Variants in HIBCH observed in about 807,000 individuals in gnomAD.
HIBCH encodes 3-hydroxyisobutyryl-CoA hydrolase, also known as 3-hydroxyisobutyryl-CoA hydrolase, mitochondrial.
In HIBCH, 50 loss-of-function variants were observed where a neutral mutation model predicts 58.2. The observed-to-expected ratio is 0.86, with a 90% CI of 0.68 to 1.09. HIBCH has a LOEUF of 1.09. Ranked by LOEUF, HIBCH falls within the 50% of genes least tolerant of loss-of-function variation. The pLI, the probability that HIBCH is intolerant of heterozygous loss-of-function variation, is 0.00. For synonymous variants in HIBCH, 151 were observed against 146.9 expected (o/e 1.03, Z -0.20); for missense variants, 450 against 449.7 (o/e 1.00, Z -0.01).
chr2:190,287,803 T>C (rs892356079), intron 5 of HIBCH, among the ~76,000 whole-genome samples, 165 bp from the exon 6 acceptor site: 5 of 152,198 alleles, frequency 3.3e-5, no homozygotes, highest in East Asian at 1.9e-4. Context: ...TATTTTTAAA[T>C]GTCAATCCAA....
intron 1 of HIBCH, among the ~76,000 whole-genome samples, chr2:190,312,346 T>C (rs1211294467): frequency 2.0e-5 from 3 of 152,242 alleles, no homozygotes; most frequent in South Asian, 2.1e-4. Flanking sequence ...TATACTAAGA[T>C]GCATGCTTTT....
chr2:190,209,963 A>G lies in HIBCH; in HGVS notation c.1012-1050T>C, dbSNP rs534253712. ...CATCCAAGCACAGTGTCCGACACTA[A>G]GTGTTCAGTAAATATTAACTACCAT... On this transcript the variant is annotated intron_variant, in intron 12 of 13. Transcript: ENST00000359678. The surrounding 1 kb of genome is among the most constrained non-coding windows in gnomAD (Gnocchi z 5.6). Among the ~76,000 whole-genome samples, 7 of 152,320 alleles carry G rather than the reference A, an allele frequency of 4.6e-5. No individual in the cohort carries two copies. In the East Asian group the frequency reaches 1.3e-3, roughly 29 times the overall value.
intron 6 of HIBCH, among the ~76,000 whole-genome samples, chr2:190,280,639 GA>G (rs34748012): frequency 0.72 from 110,024 of 151,998 alleles, 40,314 homozygotes; most frequent in Non-Finnish European, 0.75. Flanking sequence ...TAGCAAGGGG[GA>G]AAATGCCTCA....
At chr2:190,228,212 T>C (rs1210869631) in intron 11 of HIBCH, among the ~76,000 whole-genome samples, 4 of 152,128 alleles carry the variant, frequency 2.6e-5, no homozygotes, top group African/African-American at 9.7e-5. Context: ...CATGGAATAC[T>C]ATGCAGCCAT....
At chr2:190,199,739 A>G (rs1014321118), downstream of HIBCH, 3 of 1,502,138 alleles carry the variant, frequency 2.0e-6, no homozygotes, top group Non-Finnish European at 2.7e-6. Flanking sequence ...AACATTGATT[A>G]CTGAAGTGCC....
intron 1 of HIBCH, among the ~76,000 whole-genome samples, chr2:190,191,599 T>C (rs1001182638): frequency 6.6e-6 from 1 of 152,172 alleles, no homozygotes; most frequent in East Asian, 1.9e-4. Flanking sequence ...CCACCAGCAA[T>C]GTATGAGAGT....
intron 7 of HIBCH, 88 bp from the exon 8 acceptor site, chr2:190,252,395 T>C: frequency 9.1e-7 from 1 of 1,103,240 alleles, no homozygotes; most frequent in South Asian, 1.3e-5. Flanking sequence ...CACAAACCAT[T>C]TCTCTCTGGA....
At chr2:190,294,445 T>G in intron 4 of HIBCH, 101 bp downstream of exon 4, 1 of 836,092 alleles carries the variant, frequency 1.2e-6, no homozygotes. Context: ...TAAAAAGTTC[T>G]AAAAAGTAAA....
In HIBCH at chr2:190,284,696, A is replaced by G. The variant is rs200734734; in HGVS notation, c.438+2890T>C. On this transcript the variant is annotated intron_variant, in intron 6 of 13. Coordinates refer to ENST00000359678, the MANE Select transcript of HIBCH (RefSeq NM_014362.4). Reference sequence around the variant, plus strand: ...ATCTGAAGAAATCTGTATATAACGTATATCACTAATCACCCCATTTACCTT... The same window carrying G: ...ATCTGAAGAAATCTGTATATAACGTGTATCACTAATCACCCCATTTACCTT... Among the ~76,000 whole-genome samples, 3 of 152,180 alleles carry G rather than the reference A, an allele frequency of 2.0e-5. No homozygotes were observed. The East Asian group carries it at 5.8e-4, about 29-fold the overall frequency.
chr2:190,310,907 C>T, intron 1 of HIBCH, 111 bp from the exon 2 acceptor site: 1 of 703,518 alleles, frequency 1.4e-6, no homozygotes, highest in Non-Finnish European at 2.4e-6. Context: ...ATTACCAGAA[C>T]AAAAAGTTTT....
At chr2:190,205,323 G>A (rs1208261303) in intron 13 of HIBCH, 91 bp from the exon 14 acceptor site, 3 of 735,222 alleles carry the variant, frequency 4.1e-6, no homozygotes, top group Non-Finnish European at 7.0e-6. Context: ...TCTTATACTA[G>A]GCACATTTTT....
At position 190,197,893 on chromosome 2, in the gene HIBCH, A is replaced by T. The variant is rs35529089; in HGVS notation, c.*17+7207T>A. On this transcript the variant is annotated intron_variant, in intron 1 of 1. Coordinates refer to the HIBCH transcript ENST00000399855. This position sits in a 1 kb window ranked among gnomAD's most constrained non-coding sequence, Gnocchi z 4.0. ...TGGTTCCACTCACAGCCTTTTATTT[A>T]TCTGACACTCATTGAGTTCTCCAAG... Among the ~76,000 whole-genome samples, 2,318 of 152,314 alleles carry T rather than the reference A, an allele frequency of 0.015. 62 individuals are homozygous for T. The highest frequency in any genetic ancestry group is 0.051 in the African/African-American group (2,120 of 41,564).
In HIBCH at chr2:190,306,625, C is replaced by T. The variant is rs1188139417; in HGVS notation, c.78+4129G>A. ...GCTCAGTGTTGCTCGCTGTGCCACTCATAAAAAATTCTATTTTTTCTAATC... is the reference window on the plus strand; with the variant it reads ...GCTCAGTGTTGCTCGCTGTGCCACTTATAAAAAATTCTATTTTTTCTAATC... On this transcript the variant is annotated intron_variant, in intron 2 of 13. Coordinates refer to ENST00000359678, the MANE Select transcript of HIBCH (RefSeq NM_014362.4). The surrounding 1 kb of genome is among the most constrained non-coding windows in gnomAD (Gnocchi z 4.6). Among the ~76,000 whole-genome samples, 3 of 152,140 alleles carry T rather than the reference C, an allele frequency of 2.0e-5. No homozygotes were observed. Among genetic ancestry groups the T allele is most frequent in the African/African-American group, 7.2e-5 (3 of 41,412 alleles).
intron 11 of HIBCH, among the ~76,000 whole-genome samples, chr2:190,230,863 T>C (rs1686075260): frequency 6.6e-6 from 1 of 152,198 alleles, no homozygotes; most frequent in Admixed American, 6.5e-5. Context: ...CATAACCTTA[T>C]TACTAAAACT....
intron 11 of HIBCH, among the ~76,000 whole-genome samples, chr2:190,230,343 T>C (rs1489013961): frequency 1.3e-5 from 2 of 152,152 alleles, no homozygotes; most frequent in Non-Finnish European, 2.9e-5. Context: ...ACCACAGACA[T>C]CAAAAGATAT....
chr2:190,226,367 G>A (rs553207666), intron 11 of HIBCH, among the ~76,000 whole-genome samples: 16 of 152,072 alleles, frequency 1.1e-4, no homozygotes, highest in Admixed American at 4.6e-4. Context: ...AGGTCGAGGC[G>A]GGCAGATCAC....
Position 190,306,178 on chromosome 2 carries a change from A to G in HIBCH, c.78+4576T>C, listed in dbSNP as rs1162824547. Among the ~76,000 whole-genome samples the G allele has an allele frequency of 6.6e-6, 1 of 152,138 alleles. No homozygotes were observed. The highest frequency in any genetic ancestry group is 2.4e-5 in the African/African-American group (1 of 41,436). On this transcript the variant is annotated intron_variant, in intron 2 of 13. Coordinates refer to ENST00000359678, the MANE Select transcript of HIBCH (RefSeq NM_014362.4). The surrounding 1 kb of genome is among the most constrained non-coding windows in gnomAD (Gnocchi z 4.6). The stretch of plus-strand genomic sequence containing the variant: ...AATATAGAACTTAGTCAATTACTAT[A>G]ATGCAAAACTCTTGTAACCACTACC...
At chr2:190,223,117 G>C (rs1193301496) in intron 11 of HIBCH, among the ~76,000 whole-genome samples, 1 of 152,192 alleles carries the variant, frequency 6.6e-6, no homozygotes, top group Non-Finnish European at 1.5e-5. Context: ...ACTGAGACCT[G>C]TTGGGAGTTG....
In HIBCH at chr2:190,247,151, T is replaced by C. The variant is rs547596854; in HGVS notation, c.751-939A>G. 2.0e-5 allele frequency among the ~76,000 whole-genome samples: 3 copies of C among 152,308 alleles called. No individual in the cohort carries two copies. The South Asian group carries it at 6.2e-4, about 32-fold the overall frequency. On this transcript the variant is annotated intron_variant, in intron 9 of 13. Coordinates refer to ENST00000359678, the MANE Select transcript of HIBCH (RefSeq NM_014362.4). ...CTATTGAGCAGATCACTCTAAACTC[T>C]AAGGGTTGTTTTTTCATCCATATTC... is the stretch of plus-strand genomic sequence containing the variant.
Sources: gnomAD v4.1 joint callset for allele counts (sites outside exome capture counted in the v4.1 genomes callset) on GRCh38, gnomAD v4.1.1 for gene constraint, Gnocchi (gnomAD v3.1) non-coding constraint, MANE v1.5 for transcripts, NCBI Gene and HGNC (gene_info 2026-07-23, HGNC 2026-07-21) for gene names.